ARNT2: variants seen among roughly 807,000 people sequenced by gnomAD.
ARNT2 encodes the protein ARNT protein 2.
ARNT2 carries 36 observed loss-of-function variants against 91.7 expected under a neutral mutation model. That is an observed-to-expected ratio of 0.39 (90% CI 0.30 to 0.52). The LOEUF (loss-of-function observed/expected upper bound fraction) is 0.52, where lower values mean the gene tolerates loss of function less well. Ranked by LOEUF, ARNT2 falls within the 20% of genes least tolerant of loss-of-function variation. The probability of loss-of-function intolerance (pLI) is 0.72; values close to 1 mark genes in which losing one functional copy is unlikely to be tolerated. For synonymous variants in ARNT2, 365 were observed against 347.1 expected (o/e 1.05, Z -0.57); for missense variants, 775 against 939.3 (o/e 0.83, Z 2.29).
At chr15:80,567,068 T>C (rs1255456127) in intron 12 of ARNT2, among the ~76,000 whole-genome samples, 1 of 152,078 alleles carries the variant, frequency 6.6e-6, no homozygotes, top group South Asian at 2.1e-4. Flanking sequence ...GGCCCGGCCT[T>C]GAAGAAAATA....
At position 80,408,756 on chromosome 15, in the gene ARNT2, T is replaced by C. The variant is rs75976375; in HGVS notation, c.31+4210T>C. ...AGTTGCAGGACACATCATTCTTTTA[T>C]GGACTTATAAGAAAAAAATGAGCTG... On this transcript the variant is annotated intron_variant, in intron 1 of 18. Transcript: ENST00000303329. Among the ~76,000 whole-genome samples the C allele has an allele frequency of 4.0e-4, 61 of 152,228 alleles. 5 individuals are homozygous for C. The East Asian group carries it at 0.012, about 29-fold the overall frequency.
At chr15:80,512,908 A>G (rs543106596) in intron 6 of ARNT2, among the ~76,000 whole-genome samples, 2 of 152,290 alleles carry the variant, frequency 1.3e-5, no homozygotes, top group South Asian at 4.2e-4. Context: ...TACTGAGAAC[A>G]TAACATTTTC....
At chr15:80,449,475 T>C (rs1896355617) in intron 1 of ARNT2, among the ~76,000 whole-genome samples, 1 of 152,186 alleles carries the variant, frequency 6.6e-6, no homozygotes, top group Non-Finnish European at 1.5e-5. Context: ...AACTCAGTTG[T>C]CTAAAGGGGA....
At chr15:80,432,671 G>A (rs1371993039) in intron 1 of ARNT2, among the ~76,000 whole-genome samples, 1 of 151,956 alleles carries the variant, frequency 6.6e-6, no homozygotes, top group African/African-American at 2.4e-5. Context: ...GGTGGAGATG[G>A]ATCTTCTGCT....
intron 5 of ARNT2, among the ~76,000 whole-genome samples, chr15:80,495,364 A>G (rs969399564): frequency 1.3e-5 from 2 of 152,240 alleles, no homozygotes; most frequent in African/African-American, 2.4e-5. Flanking sequence ...CTGGACACTC[A>G]GGTTCCAAGT....
At chr15:80,539,501 G>C (rs963804503) in intron 8 of ARNT2, among the ~76,000 whole-genome samples, 4 of 152,112 alleles carry the variant, frequency 2.6e-5, no homozygotes, top group Non-Finnish European at 5.9e-5. Context: ...TATGCAGAGT[G>C]ATTAAATATT....
intron 8 of ARNT2, among the ~76,000 whole-genome samples, chr15:80,538,504 G>A (rs147121379): frequency 6.6e-6 from 1 of 152,230 alleles, no homozygotes; most frequent in East Asian, 1.9e-4. Flanking sequence ...AGCTTCTGGT[G>A]AAGGATGGAA....
chr15:80,466,200 T>C (rs565018268), intron 3 of ARNT2, among the ~76,000 whole-genome samples: 1 of 152,336 alleles, frequency 6.6e-6, no homozygotes, highest in African/African-American at 2.4e-5. Flanking sequence ...TCGTATTCTT[T>C]AACTAAGATG....
chr15:80,533,341 G>A (rs1309648214), intron 8 of ARNT2, among the ~76,000 whole-genome samples: 1 of 152,186 alleles, frequency 6.6e-6, no homozygotes, highest in Non-Finnish European at 1.5e-5. Context: ...AGAGGTGATA[G>A]CAGGATAAGG....
intron 8 of ARNT2, 47 bp downstream of exon 8, chr15:80,514,452 T>TA (rs745796187): frequency 1.3e-6 from 2 of 1,522,054 alleles, no homozygotes; most frequent in South Asian, 2.3e-5. Flanking sequence ...GTGCTGCTCA[T>TA]ACCTGACCAT....
At chr15:80,486,207 T>C (rs1463163063) in intron 5 of ARNT2, among the ~76,000 whole-genome samples, 1 of 152,212 alleles carries the variant, frequency 6.6e-6, no homozygotes. Flanking sequence ...GTCTGTTGGA[T>C]TAGGGCCCAC....
chr15:80,470,473 C>A, intron 4 of ARNT2, 42 bp downstream of exon 4: 1 of 1,593,310 alleles, frequency 6.3e-7, no homozygotes, highest in South Asian at 1.1e-5. Context: ...CGGGGGGAAT[C>A]CCAGCGTCAC....
chr15:80,492,223 T>C (rs1897067270), intron 5 of ARNT2, among the ~76,000 whole-genome samples: 1 of 152,112 alleles, frequency 6.6e-6, no homozygotes, highest in Admixed American at 6.6e-5. Flanking sequence ...TTATTCTTTG[T>C]AGAGAAAAGG....
chr15:80,528,310 G>C (rs1299208915), intron 8 of ARNT2, among the ~76,000 whole-genome samples: 1 of 152,156 alleles, frequency 6.6e-6, no homozygotes, highest in South Asian at 2.1e-4. Context: ...TGCCAATGGA[G>C]CTGAAAGTCA....
chr15:80,469,050 G>A (rs1385677484), intron 3 of ARNT2, among the ~76,000 whole-genome samples: 1 of 152,160 alleles, frequency 6.6e-6, no homozygotes, highest in East Asian at 1.9e-4. Flanking sequence ...CTTGCCCTTA[G>A]TGTCACTCTC....
chr15:80,495,852 C>T lies in ARNT2; in HGVS notation c.623-12304C>T, dbSNP rs74029835. Among the ~76,000 whole-genome samples, 938 of 152,322 alleles carry T rather than the reference C, an allele frequency of 6.2e-3. 11 individuals are homozygous for T. The highest frequency in any genetic ancestry group is 0.02 in the African/African-American group (842 of 41,576). On this transcript the variant is annotated intron_variant, in intron 5 of 18. Coordinates refer to ENST00000303329, the MANE Select transcript of ARNT2 (RefSeq NM_014862.4). ...GAGCCCTTTACTTGGGGCATCCTAT[C>T]CCTTGCAGCTCCATCTCTCTGAGGC...
chr15:80,499,488 G>A (rs1027456445), intron 5 of ARNT2, among the ~76,000 whole-genome samples: 1 of 152,192 alleles, frequency 6.6e-6, no homozygotes, highest in African/African-American at 2.4e-5. Context: ...CTTGAACACT[G>A]GGAGAAACTT....
intron 17 of ARNT2, among the ~76,000 whole-genome samples, chr15:80,585,757 G>A (rs28584301): frequency 0.032 from 4,833 of 152,248 alleles, 252 homozygotes; most frequent in African/African-American, 0.11. Context: ...ACTCACAGGA[G>A]GCAGCCTCTG....
Position 80,577,149 on chromosome 15 carries a change from A to G in ARNT2, c.1613+184A>G, listed in dbSNP as rs116131281. Among the ~76,000 whole-genome samples the G allele has an allele frequency of 7.9e-3, 1,196 of 152,284 alleles. 13 individuals are homozygous for G. The highest frequency in any genetic ancestry group is 0.026 in the African/African-American group (1,101 of 41,554). Reference sequence around the variant, plus strand: ...CTCTGTGAGCCCTCTATGAGTTGCCATAGATTCCTGGTGTCAGTTACTCTT... The same window carrying G: ...CTCTGTGAGCCCTCTATGAGTTGCCGTAGATTCCTGGTGTCAGTTACTCTT... On this transcript the variant is annotated intron_variant, in intron 15 of 18. Coordinates refer to ENST00000303329, the MANE Select transcript of ARNT2 (RefSeq NM_014862.4).
Sources: allele counts gnomAD v4.1 joint callset (sites outside exome capture counted in the v4.1 genomes callset), GRCh38; gene constraint gnomAD v4.1.1; transcripts MANE v1.5; gene names NCBI Gene and HGNC (gene_info 2026-07-23, HGNC 2026-07-21).